Variants in AP3B1 observed in about 807,000 individuals in gnomAD.
AP3B1 encodes the protein AP-3 complex subunit beta-1.
In AP3B1, 61 loss-of-function variants were observed where a neutral mutation model predicts 132.5. That is an observed-to-expected ratio of 0.46 (90% confidence interval 0.37 to 0.57). AP3B1 has a LOEUF of 0.57. Ranked by LOEUF, AP3B1 falls within the 20% of genes least tolerant of loss-of-function variation. The pLI, the probability that AP3B1 is intolerant of heterozygous loss-of-function variation, is 0.00. For synonymous variants in AP3B1, 388 were observed against 438.3 expected, an observed-to-expected ratio of 0.89 and a Z score of 1.43; for missense variants, 1,120 against 1,289.4, an observed-to-expected ratio of 0.87 and a Z score of 2.01.
intron 21 of AP3B1, among the ~76,000 whole-genome samples, chr5:78,090,948 A>T (rs60147955): frequency 2.6e-4 from 37 of 140,624 alleles, no homozygotes; most frequent in African/African-American, 3.5e-4. Flanking sequence ...TTTTTTTTTT[A>T]TTTTTTATTT....
intron 14 of AP3B1, among the ~76,000 whole-genome samples, chr5:78,151,220 G>A (rs1753636246): frequency 6.6e-6 from 1 of 152,134 alleles, no homozygotes; most frequent in Non-Finnish European, 1.5e-5. Flanking sequence ...ACCACACCTG[G>A]TCACATTTTG....
chr5:78,269,512 T>C (rs185720601), intron 1 of AP3B1, among the ~76,000 whole-genome samples: 1 of 152,326 alleles, frequency 6.6e-6, no homozygotes, highest in African/African-American at 2.4e-5. Context: ...TTACCAGTTA[T>C]ATATAAGAAC....
chr5:78,182,378 G>A (rs915096852), intron 7 of AP3B1, among the ~76,000 whole-genome samples: 2 of 152,204 alleles, frequency 1.3e-5, no homozygotes. Context: ...CTGCTTCCAG[G>A]AAGATGGAGT....
chr5:78,120,401 T>C (rs536949996), intron 17 of AP3B1, among the ~76,000 whole-genome samples: 233 of 152,236 alleles, frequency 1.5e-3, no homozygotes, highest in African/African-American at 5.4e-3. Flanking sequence ...GACTGGCAAA[T>C]TGGATAAAGA....
At chr5:78,249,775 G>C (rs1384705918) in intron 2 of AP3B1, among the ~76,000 whole-genome samples, 5 of 151,884 alleles carry the variant, frequency 3.3e-5, no homozygotes, top group African/African-American at 1.2e-4. Context: ...TGTAGAGACA[G>C]GGTCTCACTT....
chr5:78,035,096 G>T (rs1000052093), intron 23 of AP3B1, among the ~76,000 whole-genome samples: 1 of 151,758 alleles, frequency 6.6e-6, no homozygotes, highest in African/African-American at 2.4e-5. Context: ...AATTTCAGAA[G>T]CTTCATCTAT....
intron 2 of AP3B1, among the ~76,000 whole-genome samples, chr5:78,257,364 T>C (rs769238429): frequency 1.3e-5 from 2 of 152,214 alleles, no homozygotes; most frequent in African/African-American, 2.4e-5. Context: ...GGAGCATTTC[T>C]ATATGCCAAC....
intron 1 of AP3B1, among the ~76,000 whole-genome samples, chr5:78,275,896 T>C (rs1214651622): frequency 1.3e-5 from 2 of 152,154 alleles, no homozygotes; most frequent in Non-Finnish European, 2.9e-5. Context: ...TAGAACAATA[T>C]ATCCAACAAC....
chr5:78,213,522 T>A (rs556038892), intron 7 of AP3B1, among the ~76,000 whole-genome samples: 6 of 152,180 alleles, frequency 3.9e-5, no homozygotes, highest in Non-Finnish European at 7.3e-5. Context: ...GAACTGAACA[T>A]ATGTACGTAT....
intron 15 of AP3B1, among the ~76,000 whole-genome samples, chr5:78,138,725 A>G (rs1753015430): frequency 6.6e-6 from 1 of 152,056 alleles, no homozygotes; most frequent in Non-Finnish European, 1.5e-5. Context: ...TAATCCCAGC[A>G]CTTTGGGAGG....
chr5:78,010,980 A>G (rs931719194), intron 26 of AP3B1, among the ~76,000 whole-genome samples: 1 of 151,306 alleles, frequency 6.6e-6, no homozygotes, highest in Non-Finnish European at 1.5e-5. Flanking sequence ...ACTCCTTATC[A>G]TGCGTTAACT....
chr5:78,198,290 T>C (rs1028830531), intron 7 of AP3B1, among the ~76,000 whole-genome samples: 3 of 152,162 alleles, frequency 2.0e-5, no homozygotes, highest in Admixed American at 1.3e-4. Context: ...ATCATGACAT[T>C]CCCACATAAT....
chr5:78,153,683 G>T (rs76102261), intron 14 of AP3B1, among the ~76,000 whole-genome samples: 15,504 of 151,944 alleles, frequency 0.1, 1,496 homozygotes, highest in African/African-American at 0.25. Context: ...TCTAGTGGTA[G>T]GATTTAATTT....
At chr5:78,013,144 A>G (rs1371225549) in intron 26 of AP3B1, among the ~76,000 whole-genome samples, 4 of 152,108 alleles carry the variant, frequency 2.6e-5, no homozygotes, top group Non-Finnish European at 5.9e-5. Flanking sequence ...CCATGGGCTC[A>G]GGCGATCCTC....
chr5:78,090,161 G>A (rs1406367306), intron 21 of AP3B1, among the ~76,000 whole-genome samples: 1 of 152,130 alleles, frequency 6.6e-6, no homozygotes, highest in Non-Finnish European at 1.5e-5. Flanking sequence ...AGTTCACAAA[G>A]TCCTCTATGG....
intron 22 of AP3B1, among the ~76,000 whole-genome samples, chr5:78,078,867 A>G (rs1044122781): frequency 6.6e-5 from 10 of 152,258 alleles, no homozygotes; most frequent in African/African-American, 2.4e-4. Flanking sequence ...AAAGCCTTTC[A>G]GTCTGCATGT....
intron 22 of AP3B1, among the ~76,000 whole-genome samples, chr5:78,078,580 TCTC>T (rs1749857832): frequency 1.3e-5 from 2 of 152,312 alleles, no homozygotes; most frequent in South Asian, 4.1e-4. Flanking sequence ...GAAATACGCA[TCTC>T]CTCTTCTTCC....
intron 18 of AP3B1, among the ~76,000 whole-genome samples, chr5:78,114,146 G>A (rs1023412478): frequency 6.6e-6 from 1 of 152,174 alleles, no homozygotes; most frequent in Non-Finnish European, 1.5e-5. Flanking sequence ...CTCTGACAAC[G>A]AGGAGAGAAA....
intron 17 of AP3B1, among the ~76,000 whole-genome samples, chr5:78,122,246 C>A (rs1328416849): frequency 1.2e-4 from 19 of 152,122 alleles, no homozygotes; most frequent in Admixed American, 2.0e-4. Flanking sequence ...TATCATACAG[C>A]ATGGGCAAAA....
Sources: allele counts gnomAD v4.1 joint callset (sites outside exome capture counted in the v4.1 genomes callset), GRCh38; gene constraint gnomAD v4.1.1; transcripts MANE v1.5; gene names NCBI Gene and HGNC (gene_info 2026-07-23, HGNC 2026-07-21).